PDE1A: variants seen among roughly 807,000 people sequenced by gnomAD.
PDE1A encodes the protein dual specificity calcium/calmodulin-dependent 3',5'-cyclic nucleotide phosphodiesterase 1A.
In PDE1A, 35 loss-of-function variants were observed where a neutral mutation model predicts 61.7. That is an observed-to-expected ratio of 0.57 (90% CI 0.43 to 0.75). The LOEUF is 0.75. Ranked by LOEUF, PDE1A falls within the 30% of genes least tolerant of loss-of-function variation. The probability of loss-of-function intolerance (pLI) is 0.00; values close to 1 mark genes in which losing one functional copy is unlikely to be tolerated. For synonymous variants in PDE1A, 232 were observed against 213.2 expected, an observed-to-expected ratio of 1.09 and a Z score of -0.77; for missense variants, 597 against 630.6, an observed-to-expected ratio of 0.95 and a Z score of 0.57.
At chr2:182,469,771 G>A (rs1369522146) in intron 2 of PDE1A, among the ~76,000 whole-genome samples, 1 of 151,750 alleles carries the variant, frequency 6.6e-6, no homozygotes, top group African/African-American at 2.4e-5. Flanking sequence ...TCTTTCACTT[G>A]AACATTTAGA....
chr2:182,185,050 C>T (rs752339202), intron 13 of PDE1A, among the ~76,000 whole-genome samples: 1 of 152,094 alleles, frequency 6.6e-6, no homozygotes, highest in Non-Finnish European at 1.5e-5. Context: ...TGATTTAACA[C>T]TCTATTTTGA....
intron 13 of PDE1A, among the ~76,000 whole-genome samples, chr2:182,182,357 G>A (rs1368046436): frequency 1.3e-5 from 2 of 151,852 alleles, no homozygotes; most frequent in East Asian, 3.9e-4. Flanking sequence ...ATCTCTTTTT[G>A]CTTACCCTCC....
intron 1 of PDE1A, among the ~76,000 whole-genome samples, chr2:182,349,826 T>C (rs1455993976): frequency 2.0e-5 from 3 of 152,052 alleles, no homozygotes; most frequent in South Asian, 2.1e-4. Flanking sequence ...AAAGAAAAGA[T>C]AGCCTAAGCC....
intron 2 of PDE1A, among the ~76,000 whole-genome samples, chr2:182,452,221 G>A (rs980030579): frequency 4.6e-5 from 7 of 152,026 alleles, no homozygotes; most frequent in South Asian, 2.1e-4. Flanking sequence ...ATTGTAACCC[G>A]CTACCAACAT....
At chr2:182,390,921 T>C (rs574436630) in intron 1 of PDE1A, among the ~76,000 whole-genome samples, 5 of 152,298 alleles carry the variant, frequency 3.3e-5, no homozygotes, top group African/African-American at 1.2e-4. Flanking sequence ...CCTGAGGCAG[T>C]TGCCATGCCA....
the PDE1A span, among the ~76,000 whole-genome samples, chr2:182,668,455 AC>A: frequency 6.6e-6 from 1 of 152,060 alleles, no homozygotes; most frequent in Non-Finnish European, 1.5e-5. Context: ...GGCAAAAAAA[AC>A]CAATAGAGGC....
intron 10 of PDE1A, among the ~76,000 whole-genome samples, chr2:182,194,881 TCACACACACACACA>T (rs55809632): frequency 4.1e-5 from 6 of 144,940 alleles, no homozygotes; most frequent in East Asian, 2.0e-4. Context: ...TCTGAAATAT[TCACACACACACACA>T]CACACACACA....
intron 1 of PDE1A, among the ~76,000 whole-genome samples, chr2:182,384,296 T>A (rs1700899561): frequency 6.6e-6 from 1 of 151,890 alleles, no homozygotes; most frequent in African/African-American, 2.4e-5. Flanking sequence ...CAAAATGAGG[T>A]TCCAGTGATT....
chr2:182,512,185 C>A (rs527688767), intron 2 of PDE1A, among the ~76,000 whole-genome samples: 1 of 152,278 alleles, frequency 6.6e-6, no homozygotes, highest in South Asian at 2.1e-4. Context: ...CTTTTTCCAG[C>A]ACCTTTCTCC....
intron 2 of PDE1A, among the ~76,000 whole-genome samples, chr2:182,465,382 C>G (rs10497602): frequency 0.15 from 22,870 of 151,834 alleles, 2,161 homozygotes; most frequent in Middle Eastern, 0.29. Flanking sequence ...ATTCAAAAAA[C>G]AGTTCAGAGC....
chr2:182,238,863 T>C (rs993495938), intron 3 of PDE1A, among the ~76,000 whole-genome samples: 10 of 152,164 alleles, frequency 6.6e-5, no homozygotes, highest in Admixed American at 3.3e-4. Flanking sequence ...AAATGGAAAA[T>C]CAGTTGATCT....
At chr2:182,621,199 A>C in the PDE1A span, among the ~76,000 whole-genome samples, 1 of 151,666 alleles carries the variant, frequency 6.6e-6, no homozygotes, top group Admixed American at 6.6e-5. Flanking sequence ...CAAACTTCTC[A>C]TATCTTTCCA....
chr2:182,500,881 C>A (rs1253988494), intron 2 of PDE1A, among the ~76,000 whole-genome samples: 1 of 152,124 alleles, frequency 6.6e-6, no homozygotes, highest in Non-Finnish European at 1.5e-5. Flanking sequence ...CTTCTCCTCA[C>A]ACCTGATCAA....
At chr2:182,321,072 C>T (rs1696663530) in intron 1 of PDE1A, among the ~76,000 whole-genome samples, 1 of 152,058 alleles carries the variant, frequency 6.6e-6, no homozygotes, top group East Asian at 1.9e-4. Flanking sequence ...CAAAAAATAG[C>T]ATTTAGGGCA....
At chr2:182,646,791 A>G in the PDE1A span, among the ~76,000 whole-genome samples, 3 of 150,718 alleles carry the variant, frequency 2.0e-5, no homozygotes, top group African/African-American at 7.3e-5. Context: ...TGAAGAAATT[A>G]TGTATTAAGC....
At chr2:182,416,892 C>T (rs2125555498) in intron 1 of PDE1A, among the ~76,000 whole-genome samples, 1 of 152,252 alleles carries the variant, frequency 6.6e-6, no homozygotes, top group South Asian at 2.1e-4. Flanking sequence ...AAGTAATTCC[C>T]AAACTCATTT....
intron 1 of PDE1A, among the ~76,000 whole-genome samples, chr2:182,425,794 C>G (rs1209806672): frequency 6.6e-6 from 1 of 151,988 alleles, no homozygotes; most frequent in Non-Finnish European, 1.5e-5. Flanking sequence ...TGTGGAAAGA[C>G]AAAACTGATA....
At chr2:182,529,727 CA>C in the PDE1A span, among the ~76,000 whole-genome samples, 1 of 152,176 alleles carries the variant, frequency 6.6e-6, no homozygotes, top group Non-Finnish European at 1.5e-5. Flanking sequence ...CTGATTTCCC[CA>C]TACTGTCTTC....
At chr2:182,681,330 G>A in the PDE1A span, among the ~76,000 whole-genome samples, 1 of 151,258 alleles carries the variant, frequency 6.6e-6, no homozygotes, top group African/African-American at 2.4e-5. Context: ...TTTAGAGAGA[G>A]AGAGTCTTGC....
Sources: allele counts gnomAD v4.1 joint callset (sites outside exome capture counted in the v4.1 genomes callset), GRCh38; gene constraint gnomAD v4.1.1; transcripts MANE v1.5; gene names NCBI Gene and HGNC (gene_info 2026-07-23, HGNC 2026-07-21).